The following MYO16 variants were observed in gnomAD, a reference collection of about 807,000 sequenced individuals.
MYO16 encodes the protein unconventional myosin-XVI.
A neutral mutation model predicts 205.3 loss-of-function variants in MYO16; 94 were observed. The ratio of observed to expected loss-of-function variants is 0.46; its 90% confidence interval spans 0.39 to 0.54. The LOEUF is 0.54. Ranked by LOEUF, MYO16 falls within the 20% of genes least tolerant of loss-of-function variation. The pLI, the probability that MYO16 is intolerant of heterozygous loss-of-function variation, is 0.00. For synonymous variants in MYO16, 988 were observed against 954.0 expected, an observed-to-expected ratio of 1.04 and a Z score of -0.66; for missense variants, 2,315 against 2,387.5, an observed-to-expected ratio of 0.97 and a Z score of 0.63.
intron 31 of MYO16, among the ~76,000 whole-genome samples, chr13:109,131,934 G>T (rs1876560546): frequency 1.3e-5 from 2 of 152,212 alleles, no homozygotes; most frequent in Non-Finnish European, 2.9e-5. Context: ...CCAAGCCCAT[G>T]TATGTCAAGT....
At chr13:108,941,255 G>C (rs752544861) in intron 16 of MYO16, among the ~76,000 whole-genome samples, 19 of 152,116 alleles carry the variant, frequency 1.2e-4, no homozygotes, top group Middle Eastern at 3.2e-3. Flanking sequence ...GAAGCAGCCA[G>C]ACAGGAGAGG....
intron 9 of MYO16, among the ~76,000 whole-genome samples, chr13:108,843,415 A>C (rs1030950122): frequency 6.6e-6 from 1 of 152,148 alleles, no homozygotes; most frequent in Non-Finnish European, 1.5e-5. Context: ...TTGCCTATGC[A>C]ACTATGTATA....
At chr13:108,820,190 T>C (rs958499104) in intron 7 of MYO16, 147 bp from the exon 8 acceptor site, 2 of 553,184 alleles carry the variant, frequency 3.6e-6, no homozygotes, top group Non-Finnish European at 6.4e-6. Context: ...GAAAAGGCAC[T>C]GGGAAAGGGG....
At chr13:109,142,786 C>T (rs914631486) in intron 32 of MYO16, among the ~76,000 whole-genome samples, 33 of 152,122 alleles carry the variant, frequency 2.2e-4, no homozygotes, top group Admixed American at 1.8e-3. Flanking sequence ...AATGGGAAAC[C>T]TCTAGGGGGT....
At chr13:109,021,269 G>A (rs1886014206) in intron 23 of MYO16, among the ~76,000 whole-genome samples, 1 of 152,126 alleles carries the variant, frequency 6.6e-6, no homozygotes, top group Non-Finnish European at 1.5e-5. Flanking sequence ...ACAGAAAAGA[G>A]TTACTAAGAC....
At chr13:108,590,902 T>G in the MYO16 span, among the ~76,000 whole-genome samples, 1 of 152,184 alleles carries the variant, frequency 6.6e-6, no homozygotes, top group African/African-American at 2.4e-5. Context: ...GAGAATATAT[T>G]TCTGCTGTTG....
chr13:109,163,000 T>G lies in MYO16; in HGVS notation c.5165-1901T>G, dbSNP rs544270840. On this transcript the variant is annotated intron_variant, in intron 32 of 34. Transcript: ENST00000457511. The surrounding 1 kb of genome is among the most constrained non-coding windows in gnomAD (Gnocchi z 4.6). ...CCATTCTTGTACATGCTAACTTGAC[T>G]GAAGGTCTTTGTTTTTTATGTATAA... Among the ~76,000 whole-genome samples, 1 of 152,356 alleles carries G rather than the reference T, an allele frequency of 6.6e-6. No individual in the cohort carries two copies. The highest frequency in any genetic ancestry group is 2.1e-4 in the South Asian group (1 of 4,828).
At chr13:108,873,566 G>A (rs1012429225) in intron 12 of MYO16, among the ~76,000 whole-genome samples, 3 of 152,212 alleles carry the variant, frequency 2.0e-5, no homozygotes, top group Non-Finnish European at 4.4e-5. Flanking sequence ...CACAGCGGGC[G>A]AGTCAGCAGG....
Position 109,141,329 on chromosome 13 carries a change from G to A in MYO16, c.5117G>A (p.Ser1706Asn). ...ELASLFNSGR[S>N]VLRKSAAGRK... ...GCCAGCCTCTTCAACTCGGGGAGGAGTGTGCTTCGGAAATCCGCGGCGGGA... is the reference window on the plus strand; with the variant it reads ...GCCAGCCTCTTCAACTCGGGGAGGAATGTGCTTCGGAAATCCGCGGCGGGA... Residue 1706 changes from serine to asparagine, a missense_variant, in exon 32 of 35, where the codon AGT (serine) becomes AAT (asparagine). Around this residue, in one of 3 missense-constraint regions of MYO16, gnomAD observed 1,097 missense variants for 1,092.0 expected, o/e 1.00. Coordinates refer to ENST00000457511, the MANE Select transcript of MYO16 (RefSeq NM_001198950.3). This position sits in a 1 kb window ranked among gnomAD's most constrained non-coding sequence, Gnocchi z 4.1. 1 of 1,567,184 alleles carries A rather than the reference G, an allele frequency of 6.4e-7. No homozygotes were observed. Among genetic ancestry groups the A allele is most frequent in the East Asian group, 2.5e-5 (1 of 40,804 alleles).
intron 4 of MYO16, among the ~76,000 whole-genome samples, chr13:108,748,932 T>C (rs1466721159): frequency 6.6e-6 from 1 of 152,146 alleles, no homozygotes; most frequent in Non-Finnish European, 1.5e-5. Flanking sequence ...TTTTTATGTA[T>C]ATGCTAATAT....
At chr13:109,150,666 C>T (rs1233206639) in intron 32 of MYO16, among the ~76,000 whole-genome samples, 2 of 152,136 alleles carry the variant, frequency 1.3e-5, no homozygotes, top group Non-Finnish European at 2.9e-5. Context: ...TATAATGCAC[C>T]GTCAGTGGGG....
intron 33 of MYO16, among the ~76,000 whole-genome samples, chr13:109,173,504 G>A (rs1381187138): frequency 6.6e-6 from 1 of 152,180 alleles, no homozygotes; most frequent in Non-Finnish European, 1.5e-5. Flanking sequence ...ATGTATTGTG[G>A]CAGAAATGTG....
intron 19 of MYO16, 112 bp from the exon 20 acceptor site, chr13:108,964,649 C>A: frequency 8.9e-7 from 1 of 1,127,816 alleles, no homozygotes; most frequent in Non-Finnish European, 1.3e-6. Flanking sequence ...AATTTTTATA[C>A]ATCACTTGTC....
At chr13:108,632,424 C>G (rs1331285370) in intron 1 of MYO16, among the ~76,000 whole-genome samples, 1 of 152,108 alleles carries the variant, frequency 6.6e-6, no homozygotes, top group African/African-American at 2.4e-5. Flanking sequence ...CCCATGTGCT[C>G]CTAGTGAATC....
intron 12 of MYO16, among the ~76,000 whole-genome samples, chr13:108,869,021 G>A (rs1206984833): frequency 6.6e-6 from 1 of 151,946 alleles, no homozygotes; most frequent in African/African-American, 2.4e-5. Context: ...CAGTTTGATT[G>A]GTCTGTTAAA....
intron 2 of MYO16, among the ~76,000 whole-genome samples, chr13:108,690,017 T>C (rs1177726455): frequency 1.3e-5 from 2 of 152,192 alleles, no homozygotes; most frequent in Non-Finnish European, 2.9e-5. Flanking sequence ...CCCACTACTT[T>C]TCCCACTTAT....
chr13:108,709,018 C>T (rs780595415), intron 2 of MYO16, among the ~76,000 whole-genome samples: 15 of 149,878 alleles, frequency 1.0e-4, no homozygotes, highest in Non-Finnish European at 1.9e-4. Flanking sequence ...ACAGGCATCT[C>T]GATGGAGTTC....
At chr13:108,904,755 A>G (rs1207730946) in intron 15 of MYO16, among the ~76,000 whole-genome samples, 1 of 152,046 alleles carries the variant, frequency 6.6e-6, no homozygotes, top group African/African-American at 2.4e-5. Context: ...AACTTCCAAC[A>G]CCCACTCTCA....
intron 9 of MYO16, among the ~76,000 whole-genome samples, chr13:108,838,751 TATACACACACACACAAATGC>T (rs1877077888): frequency 1.2e-5 from 1 of 83,182 alleles, no homozygotes. Context: ...ACTATATATA[TATACACACACACACAAATGC>T]ACACACACAC....
Sources: allele counts gnomAD v4.1 joint callset (sites outside exome capture counted in the v4.1 genomes callset), GRCh38; gene constraint gnomAD v4.1.1; regional missense constraint gnomAD v4.1.1; non-coding constraint Gnocchi (gnomAD v3.1); transcripts MANE v1.5; gene names NCBI Gene and HGNC (gene_info 2026-07-23, HGNC 2026-07-21).